TRIM41: variants seen among roughly 807,000 people sequenced by gnomAD.
The protein encoded by TRIM41 is E3 ubiquitin-protein ligase TRIM41.
TRIM41 carries 21 observed loss-of-function variants against 60.6 expected under a neutral mutation model. That is an observed-to-expected ratio of 0.35 (90% confidence interval 0.25 to 0.50). The LOEUF (loss-of-function observed/expected upper bound fraction) is 0.50. Among genes scored for constraint, TRIM41 ranks in the 20% least tolerant of loss-of-function variants. The pLI is 0.98. For synonymous variants in TRIM41, 407 were observed against 344.9 expected (o/e 1.18, Z -2.00); for missense variants, 846 against 868.3 (o/e 0.97, Z 0.32).
At chr5:181,230,558 G>T in intron 1 of TRIM41, 186 bp from the exon 2 acceptor site, 1 of 455,886 alleles carries the variant, frequency 2.2e-6, no homozygotes. Flanking sequence ...CGTGCACAGA[G>T]GGATTGGAGG....
intron 1 of TRIM41, chr5:181,228,622 T>G (rs1758655148): frequency 6.7e-6 from 1 of 149,878 alleles, no homozygotes; most frequent in African/African-American, 2.5e-5. Flanking sequence ...AATTTGTGCT[T>G]ATTAATTTTT....
Position 181,234,755 on chromosome 5 carries a change from C to A in TRIM41, c.1873C>A (p.Arg625Ser). The A allele has an allele frequency of 6.2e-7, 1 of 1,612,584 alleles. No individual in the cohort carries two copies. Among genetic ancestry groups the A allele is most frequent in the Non-Finnish European group, 8.5e-7 (1 of 1,179,326 alleles). Residue 625 changes from arginine to serine, a missense_variant, in exon 6 of 6, where the codon CGC (arginine) becomes AGC (serine). Physicochemically the swap from Arg to Ser is moderately radical, Grantham distance 110. Coordinates refer to ENST00000315073, the MANE Select transcript of TRIM41 (RefSeq NM_033549.5). This position sits in a 1 kb window ranked among gnomAD's most constrained non-coding sequence, Gnocchi z 5.6. ...CTTCCGGGTGCTCTCCAAGGGCACC[C>A]GCATCAAGCTCTGCCCTTGATTATC... ...PFFRVLSKGT[R>S]IKLCP
intron 3 of TRIM41, 97 bp downstream of exon 3, chr5:181,232,986 G>T: frequency 8.0e-7 from 1 of 1,246,180 alleles, no homozygotes; most frequent in South Asian, 1.3e-5. Flanking sequence ...TTTCTCCCTG[G>T]GAGGAACCCA....
intron 1 of TRIM41, 74 bp from the exon 2 acceptor site, chr5:181,230,670 G>C (rs1043951851): frequency 1.6e-6 from 2 of 1,233,690 alleles, no homozygotes; most frequent in Non-Finnish European, 1.2e-6. Flanking sequence ...CTTGCTATAG[G>C]GAGGATTGCA....
rs769556444 is a variant in TRIM41 at position 181,234,301 on chromosome 5, C to G, written c.1419C>G (p.Cys473Trp). Reference protein sequence around the residue: ...ADHPKRFSADCCVLGAQGFRS... With the variant: ...ADHPKRFSADWCVLGAQGFRS... ...ATCCCAAGCGCTTCTCGGCCGACTG[C>G]TGCGTACTGGGGGCCCAGGGCTTCC... Residue 473 changes from cysteine (C) to tryptophan (W), a missense_variant, in exon 6 of 6, where the codon TGC becomes TGG. Transcript: ENST00000315073. The surrounding 1 kb of genome is among the most constrained non-coding windows in gnomAD (Gnocchi z 5.6). The G allele has an allele frequency of 6.2e-7, 1 of 1,612,592 alleles. No individual in the cohort carries two copies. The highest frequency in any genetic ancestry group is 8.5e-7 in the Non-Finnish European group (1 of 1,179,722).
At position 181,223,560 on chromosome 5, in the gene TRIM41, C is replaced by T. The variant is rs1172005901; in HGVS notation, c.-440C>T. The T allele has an allele frequency of 2.2e-6, 1 of 448,452 alleles. No homozygotes were observed. Among genetic ancestry groups the T allele is most frequent in the African/African-American group, 2.0e-5 (1 of 50,862 alleles). 27.8% of individuals were successfully genotyped at this position (448,452 alleles called of 1,614,324 possible). A position where few individuals can be genotyped will look rare whatever the true frequency, so the allele number is the denominator to read the frequency against. ...GACTAGAGCGTCTCCTCGCCATTTC[C>T]TGTCGCCCTGGGGCCCCGCGGGGAA... On this transcript the variant is annotated 5_prime_UTR_variant, in exon 1 of 6. Transcript: ENST00000315073.
rs775613344 is a variant in TRIM41 at position 181,234,646 on chromosome 5, G to T, written c.1764G>T (p.Gly588=). The change falls in exon 6 of 6, where the codon GGG becomes GGT. Residue 588 remains glycine, a synonymous_variant. Transcript: ENST00000315073. The surrounding 1 kb of genome is among the most constrained non-coding windows in gnomAD (Gnocchi z 5.6). ...RFGVYLDYEA[G]RLGFYNAETL... The stretch of plus-strand genomic sequence containing the variant: ...GTGTGTACCTGGACTATGAAGCTGG[G>T]CGCCTGGGCTTCTACAACGCAGAGA... The T allele has an allele frequency of 2.5e-6, 4 of 1,614,256 alleles. No individual in the cohort carries two copies. The highest frequency in any genetic ancestry group is 3.4e-6 in the Non-Finnish European group (4 of 1,180,052).
rs17714046 is a variant in TRIM41, at chr5:181,234,980, T to C, written c.*205T>C. On this transcript the variant is annotated 3_prime_UTR_variant, in exon 6 of 6. Transcript: ENST00000315073. The surrounding 1 kb of genome is among the most constrained non-coding windows in gnomAD (Gnocchi z 5.6). ...TCCAGCTCAGCCTTCTCTCACCTAC[T>C]ATGTCTGTCCAACAGGTCTGCATGG... The C allele has an allele frequency of 0.044, 71,689 of 1,614,014 alleles. 1,830 individuals carry two copies. The highest frequency in any genetic ancestry group is 0.051 in the South Asian group (4,663 of 91,086).
In TRIM41 at chr5:181,234,721, C is replaced by G. The variant is rs1364991721; in HGVS notation, c.1839C>G (p.Val613=). 3 of 1,614,058 alleles carry G rather than the reference C, an allele frequency of 1.9e-6. No homozygotes were observed. The highest frequency in any genetic ancestry group is 2.7e-5 in the African/African-American group (2 of 74,946). ...CGGCTGCCTTCCTGGGCGAGCGTGT[C>G]TTTCCTTTCTTCCGGGTGCTCTCCA... ...TFSAAFLGER[V]FPFFRVLSKG... The change falls in exon 6 of 6, where the codon GTC becomes GTG. Residue 613 remains valine (V), a synonymous_variant. Transcript: ENST00000315073. This position sits in a 1 kb window ranked among gnomAD's most constrained non-coding sequence, Gnocchi z 5.6.
chr5:181,224,620 G>A lies in TRIM41; in HGVS notation c.621G>A (p.Val207=). 1 of 1,614,252 alleles carries A rather than the reference G, an allele frequency of 6.2e-7. No homozygotes were observed. Among genetic ancestry groups the A allele is most frequent in the Non-Finnish European group, 8.5e-7 (1 of 1,180,050 alleles). ...PNLQLANMVQ[V]IRQMHPTPGR... is the part of the protein sequence containing the mutation. ...TGCAGCTGGCCAATATGGTCCAGGT[G>A]ATTCGGCAGATGCACCCAACCCCTG... The change falls in exon 1 of 6, where the codon GTG becomes GTA. Residue 207 remains valine, a synonymous_variant. Transcript: ENST00000315073.
chr5:181,229,306 T>C (rs1582275251), intron 1 of TRIM41: 1 of 152,242 alleles, frequency 6.6e-6, no homozygotes, highest in African/African-American at 2.4e-5. Flanking sequence ...CTCTTCTTAT[T>C]TGAAGCTGAG....
chr5:181,223,754 C>T lies in TRIM41; in HGVS notation c.-246C>T. On this transcript the variant is annotated 5_prime_UTR_variant, in exon 1 of 6. Coordinates refer to ENST00000315073, the MANE Select transcript of TRIM41 (RefSeq NM_033549.5). Reference sequence around the variant, plus strand: ...ATTGGGGCAGACTTGTACTCAGAGCCACCTGAGGGACTTGGCGGTGGCGCC... The same window carrying T: ...ATTGGGGCAGACTTGTACTCAGAGCTACCTGAGGGACTTGGCGGTGGCGCC... The T allele has an allele frequency of 1.7e-6, 1 of 596,412 alleles. No individual in the cohort carries two copies. The highest frequency in any genetic ancestry group is 1.9e-5 in the African/African-American group (1 of 53,910). The allele number at this position is 596,412 out of a possible 1,614,324, so 36.9% of individuals were successfully genotyped here. A position where few individuals can be genotyped will look rare whatever the true frequency, so the allele number is the denominator to read the frequency against.
rs900162156 is a variant in TRIM41 at position 181,224,554 on chromosome 5, G to A, written c.555G>A (p.Gln185=). 31 of 1,613,688 alleles carry A rather than the reference G, an allele frequency of 1.9e-5. No individual in the cohort carries two copies. In the African/African-American group the frequency reaches 2.1e-4, roughly 11 times the overall value. The change falls in exon 1 of 6, where the codon CAG becomes CAA. Residue 185 remains glutamine (Q), a synonymous_variant. Coordinates refer to ENST00000315073, the MANE Select transcript of TRIM41 (RefSeq NM_033549.5). ...PAPRRCFTCP[Q]CRKSFPRRSF... is the part of the protein sequence containing the mutation. ...CTCGGAGGTGCTTCACATGCCCTCA[G>A]TGCCGAAAGAGCTTTCCTCGGCGGA...
chr5:181,231,658 G>A (rs1344518630), intron 2 of TRIM41: 1 of 152,514 alleles, frequency 6.6e-6, no homozygotes. Context: ...GGATCTGTCT[G>A]GGAGTAGGAA....
intron 1 of TRIM41, chr5:181,228,944 A>G (rs969042784): frequency 6.6e-6 from 1 of 151,672 alleles, no homozygotes; most frequent in East Asian, 1.9e-4. Flanking sequence ...AAAAAAAAAA[A>G]AAAAAAAAAA....
Position 181,224,045 on chromosome 5 carries a change from G to A in TRIM41, c.46G>A (p.Glu16Lys). The change falls in exon 1 of 6, where the codon GAG becomes AAG. Residue 16 changes from glutamate (E) to lysine (K), a missense_variant. Glu to Lys is a moderately conservative substitution (Grantham distance 56). Coordinates refer to ENST00000315073, the MANE Select transcript of TRIM41 (RefSeq NM_033549.5). ...ACCCAACCCTGTGCAGACCCTTCAG[G>A]AGGAGGCGGTGTGCGCCATCTGCCT... The part of the protein sequence containing the change: ...MTPNPVQTLQ[E>K]EAVCAICLDY... 6.2e-7 allele frequency: 1 copy of A among 1,614,242 alleles called. No individual in the cohort carries two copies. Among genetic ancestry groups the A allele is most frequent in the Non-Finnish European group, 8.5e-7 (1 of 1,180,046 alleles).
Position 181,233,258 on chromosome 5 carries a change from T to A in TRIM41, c.1141-155T>A. 1 of 837,272 alleles carries A rather than the reference T, an allele frequency of 1.2e-6. No homozygotes were observed. The highest frequency in any genetic ancestry group is 1.7e-5 in the African/African-American group (1 of 60,194). The allele number at this position is 837,272 out of a possible 1,614,324, so 51.9% of individuals were successfully genotyped here. ...ATGGCGAGGCATGGGGTGGTTGAAA[T>A]GGATGTGTGTTCATTGAGGGCCGTG... On this transcript the variant is annotated intron_variant, in intron 3 of 5. Transcript: ENST00000315073. This position sits in a 1 kb window ranked among gnomAD's most constrained non-coding sequence, Gnocchi z 4.1.
chr5:181,235,177 G>C lies in TRIM41; in HGVS notation c.*402G>C. On this transcript the variant is annotated 3_prime_UTR_variant, in exon 6 of 6. Coordinates refer to ENST00000315073, the MANE Select transcript of TRIM41 (RefSeq NM_033549.5). ...ATCAGTTCTGAGGCTGGAGGGTTTG[G>C]GCAAGGCAACATCCCCATTCCAATT... 1 of 1,536,722 alleles carries C rather than the reference G, an allele frequency of 6.5e-7. No individual in the cohort carries two copies.
Position 181,234,309 on chromosome 5 carries a change from T to G in TRIM41, c.1427T>G (p.Leu476Arg), listed in dbSNP as rs753259370. Residue 476 changes from leucine (L) to arginine (R), a missense_variant, in exon 6 of 6, where the codon CTG becomes CGG. Coordinates refer to ENST00000315073, the MANE Select transcript of TRIM41 (RefSeq NM_033549.5). The surrounding 1 kb of genome is among the most constrained non-coding windows in gnomAD (Gnocchi z 5.6). ...CGCTTCTCGGCCGACTGCTGCGTACTGGGGGCCCAGGGCTTCCGCTCCGGC... is the reference window on the plus strand; with the variant it reads ...CGCTTCTCGGCCGACTGCTGCGTACGGGGGGCCCAGGGCTTCCGCTCCGGC... Reference protein sequence around the residue: ...PKRFSADCCVLGAQGFRSGRH... With the variant: ...PKRFSADCCVRGAQGFRSGRH... 1.9e-6 allele frequency: 3 copies of G among 1,612,176 alleles called. No homozygotes were observed. The highest frequency in any genetic ancestry group is 1.7e-6 in the Non-Finnish European group (2 of 1,179,548).
Sources: gnomAD v4.1 joint callset for allele counts on GRCh38, gnomAD v4.1.1 for gene constraint, Gnocchi (gnomAD v3.1) non-coding constraint, MANE v1.5 for transcripts, NCBI Gene and HGNC (gene_info 2026-07-23, HGNC 2026-07-21) for gene names.